The following QSER1 variants were observed in gnomAD, a reference collection of about 807,000 sequenced individuals.
QSER1 encodes the protein glutamine and serine rich 1.
Under a neutral mutation model 158.5 loss-of-function variants are expected in QSER1, and 49 were observed. The ratio of observed to expected loss-of-function variants is 0.31; its 90% CI spans 0.25 to 0.39. The LOEUF (loss-of-function observed/expected upper bound fraction) is 0.39. Among genes scored for constraint, QSER1 ranks in the 10% least tolerant of loss-of-function variants. QSER1 has a pLI of 1.00. For missense variants in QSER1, 1,754 were observed against 2,010.3 expected (o/e 0.87, Z 2.44); for synonymous variants, 650 against 715.5 (o/e 0.91, Z 1.46).
At chr11:32,894,427 T>C (rs1373534663) in intron 1 of QSER1, among the ~76,000 whole-genome samples, 1 of 152,212 alleles carries the variant, frequency 6.6e-6, no homozygotes, top group African/African-American at 2.4e-5. Context: ...TGCTAATGAC[T>C]TCATCCTCAG....
At chr11:32,924,768 G>A (rs1851946240) in intron 1 of QSER1, among the ~76,000 whole-genome samples, 1 of 151,770 alleles carries the variant, frequency 6.6e-6, no homozygotes, top group African/African-American at 2.4e-5. Context: ...TTAGATTCAG[G>A]GGGTACATGT....
rs1851496064 is a variant in QSER1, at chr11:32,892,823, C to T, written c.-303C>T. On this transcript the variant is annotated 5_prime_UTR_variant, in exon 1 of 13. Coordinates refer to ENST00000650167, the MANE Select transcript of QSER1 (RefSeq NM_001076786.3). ...GGGCGGGAGGTGCATCCTGGGAAAT[C>T]CACCAACATGGGGCGCAGCGGCCGC... is the stretch of plus-strand genomic sequence containing the variant. Among the ~76,000 whole-genome samples, 1 of 144,588 alleles carries T rather than the reference C, an allele frequency of 6.9e-6. No individual in the cohort carries two copies. The allele number at this position is 144,588 out of a possible 152,430, so 94.9% of individuals were successfully genotyped here.
intron 4 of QSER1, among the ~76,000 whole-genome samples, chr11:32,940,668 A>G (rs572534306): frequency 5.1e-4 from 77 of 152,294 alleles, no homozygotes; most frequent in Non-Finnish European, 9.3e-4. Context: ...TCAATTTAAG[A>G]AAGTTACATT....
Position 32,979,141 on chromosome 11 carries a change from G to A in QSER1, c.*2667G>A, listed in dbSNP as rs565815210. Reference sequence around the variant, plus strand: ...ATCTTACGGGACCACTGTCAAATACGCGGTCTGTCTTTGAAAAGTTGTAAT... The same window carrying A: ...ATCTTACGGGACCACTGTCAAATACACGGTCTGTCTTTGAAAAGTTGTAAT... On this transcript the variant is annotated 3_prime_UTR_variant, in exon 13 of 13. Transcript: ENST00000650167. The A allele has an allele frequency of 3.9e-5, 6 of 152,576 alleles. No individual in the cohort carries two copies. Among genetic ancestry groups the A allele is most frequent in the East Asian group, 1.9e-4 (1 of 5,196 alleles). 9.5% of individuals were successfully genotyped at this position (152,576 alleles called of 1,614,324 possible). A position where few individuals can be genotyped will look rare whatever the true frequency, so the allele number is the denominator to read the frequency against.
At chr11:32,948,844 T>A (rs937251447) in intron 4 of QSER1, among the ~76,000 whole-genome samples, 4 of 152,266 alleles carry the variant, frequency 2.6e-5, no homozygotes, top group African/African-American at 9.6e-5. Flanking sequence ...ATTTCAATAA[T>A]CATGTGGTCC....
chr11:32,934,338 A>G lies in QSER1; in HGVS notation c.3080A>G (p.His1027Arg). ...TTTCAGCAGTCATTAGATGTCAGGC[A>G]TGTGACTTCAGATTTTAACTCTATG... ...SHFQQSLDVR[H>R]VTSDFNSMTA... The change falls in exon 4 of 13, where the codon CAT becomes CGT. Residue 1027 changes from histidine (H) to arginine (R), a missense_variant. This residue lies in a region of QSER1 where 1,707 missense variants were observed against 1,919.6 expected (regional missense o/e 0.89). Coordinates refer to ENST00000650167, the MANE Select transcript of QSER1 (RefSeq NM_001076786.3). The G allele has an allele frequency of 6.2e-7, 1 of 1,614,002 alleles. No homozygotes were observed. Among genetic ancestry groups the G allele is most frequent in the Non-Finnish European group, 8.5e-7 (1 of 1,179,990 alleles).
intron 8 of QSER1, 110 bp downstream of exon 8, chr11:32,958,196 T>A: frequency 1.1e-6 from 1 of 875,062 alleles, no homozygotes; most frequent in Non-Finnish European, 1.7e-6. Context: ...GGAATTTATC[T>A]ACCTAATAAA....
intron 1 of QSER1, among the ~76,000 whole-genome samples, chr11:32,895,378 G>GGGT (rs1851541749): frequency 6.6e-6 from 1 of 151,980 alleles, no homozygotes; most frequent in Non-Finnish European, 1.5e-5. Context: ...ATTGGGATCA[G>GGGT]GCCATCTGTA....
At position 32,893,465 on chromosome 11, in the gene QSER1, C is replaced by G. The variant is rs1176021434; in HGVS notation, c.209+131C>G. ...GAGCCCTCCGCTCGCCCTCGGCCAG[C>G]TCGGGGGAGGCGGCTGATGACTCCT... On this transcript the variant is annotated intron_variant, in intron 1 of 12. Coordinates refer to ENST00000650167, the MANE Select transcript of QSER1 (RefSeq NM_001076786.3). This position sits in a 1 kb window ranked among gnomAD's most constrained non-coding sequence, Gnocchi z 4.7. 1 of 152,326 alleles carries G rather than the reference C, an allele frequency of 6.6e-6. No homozygotes were observed. Among genetic ancestry groups the G allele is most frequent in the African/African-American group, 2.4e-5 (1 of 41,446 alleles). The allele number at this position is 152,326 out of a possible 1,614,324, so 9.4% of individuals were successfully genotyped here.
intron 8 of QSER1, among the ~76,000 whole-genome samples, chr11:32,961,491 C>T (rs1053112127): frequency 2.0e-5 from 3 of 152,036 alleles, no homozygotes; most frequent in African/African-American, 7.2e-5. Context: ...ATAAATTTGC[C>T]TTTTTAACCA....
At chr11:32,945,163 A>G (rs1377871791) in intron 4 of QSER1, among the ~76,000 whole-genome samples, 1 of 137,458 alleles carries the variant, frequency 7.3e-6, no homozygotes, top group African/African-American at 2.7e-5. Flanking sequence ...TGAATACAGC[A>G]CACTGATGGG....
rs1323964422 is a variant in QSER1 at position 32,977,541 on chromosome 11, ATAAT to A, written c.*1070_*1073del. Reference sequence around the variant, plus strand: ...ATTTACATTTTGAAGAATAAAACTGATAATTAGACTATTTGCAGTGTTAAACACA... The same window carrying A: ...ATTTACATTTTGAAGAATAAAACTGATAGACTATTTGCAGTGTTAAACACA... On this transcript the variant is annotated 3_prime_UTR_variant, in exon 13 of 13. Coordinates refer to ENST00000650167, the MANE Select transcript of QSER1 (RefSeq NM_001076786.3). 1 of 152,652 alleles carries A rather than the reference ATAAT, an allele frequency of 6.6e-6. No homozygotes were observed. Among genetic ancestry groups the A allele is most frequent in the Non-Finnish European group, 1.5e-5 (1 of 68,034 alleles). The allele number at this position is 152,652 out of a possible 1,614,324, so 9.5% of individuals were successfully genotyped here.
chr11:32,973,826 G>A (rs1207335949), intron 11 of QSER1, among the ~76,000 whole-genome samples: 2 of 152,134 alleles, frequency 1.3e-5, no homozygotes, highest in Non-Finnish European at 2.9e-5. Context: ...ATATTTGTAG[G>A]TAGTTTTTCA....
intron 8 of QSER1, among the ~76,000 whole-genome samples, chr11:32,965,888 C>T (rs938588457): frequency 6.8e-6 from 1 of 147,608 alleles, no homozygotes; most frequent in Non-Finnish European, 1.5e-5. Context: ...TTGCAGTGAG[C>T]CAAGATGGCG....
chr11:32,914,646 C>G (rs751126820), intron 1 of QSER1, among the ~76,000 whole-genome samples: 1 of 152,138 alleles, frequency 6.6e-6, no homozygotes, highest in Non-Finnish European at 1.5e-5. Flanking sequence ...GCATCATAAA[C>G]ATAAGAGTAG....
At chr11:32,946,192 G>A (rs548639846) in intron 4 of QSER1, among the ~76,000 whole-genome samples, 60 of 151,632 alleles carry the variant, frequency 4.0e-4, no homozygotes, top group Middle Eastern at 3.4e-3. Flanking sequence ...ATGTCCTCCC[G>A]TAGCTCAGAG....
In QSER1 at chr11:32,934,466, A is replaced by G; in HGVS notation, c.3208A>G (p.Thr1070Ala). The G allele has an allele frequency of 6.2e-7, 1 of 1,613,710 alleles. No homozygotes were observed. The highest frequency in any genetic ancestry group is 8.5e-7 in the Non-Finnish European group (1 of 1,179,980). The change falls in exon 4 of 13, where the codon ACT (threonine) becomes GCT (alanine). Residue 1070 changes from threonine (T) to alanine (A), a missense_variant. Coordinates refer to ENST00000650167, the MANE Select transcript of QSER1 (RefSeq NM_001076786.3). ...AGTACCTGCCCTTCAGTCAAAAATGACTCTTGATCAACAGCACATTGAAAC... is the reference window on the plus strand; with the variant it reads ...AGTACCTGCCCTTCAGTCAAAAATGGCTCTTGATCAACAGCACATTGAAAC... ...SPVPALQSKM[T>A]LDQQHIETPG...
At chr11:32,975,604 C>T (rs906480343) in intron 12 of QSER1, 15 of 1,269,084 alleles carry the variant, frequency 1.2e-5, no homozygotes, top group Admixed American at 6.5e-5. Context: ...TGCTTTACAT[C>T]GCCATAATAA....
At position 32,893,190 on chromosome 11, in the gene QSER1, C is replaced by G. The variant is rs1417307028; in HGVS notation, c.65C>G (p.Pro22Arg). 1.3e-5 allele frequency: 2 copies of G among 149,702 alleles called. No homozygotes were observed. Among genetic ancestry groups the G allele is most frequent in the African/African-American group, 4.9e-5 (2 of 40,482 alleles). 9.3% of individuals were successfully genotyped at this position (149,702 alleles called of 1,614,324 possible). ...EPPPPPPPAPPAAPVPASAAA... is the reference protein window; with the variant it reads ...EPPPPPPPAPRAAPVPASAAA... ...CCGCCGCCGCCGCCGCCCGCGCCCC[C>G]CGCCGCCCCCGTCCCCGCCAGCGCC... Residue 22 changes from proline to arginine, a missense_variant, in exon 1 of 13, where the codon CCC becomes CGC. Pro to Arg is a moderately radical substitution (Grantham distance 103). Transcript: ENST00000650167. The surrounding 1 kb of genome is among the most constrained non-coding windows in gnomAD (Gnocchi z 4.7).
Sources: allele counts gnomAD v4.1 joint callset (sites outside exome capture counted in the v4.1 genomes callset), GRCh38; gene constraint gnomAD v4.1.1; regional missense constraint gnomAD v4.1.1; non-coding constraint Gnocchi (gnomAD v3.1); transcripts MANE v1.5; gene names NCBI Gene and HGNC (gene_info 2026-07-23, HGNC 2026-07-21).